The following ANKS1A variants were observed in gnomAD, a reference collection of about 807,000 sequenced individuals.
ANKS1A encodes the protein ankyrin repeat and SAM domain-containing protein 1A.
In ANKS1A, 55 loss-of-function variants were observed where a neutral mutation model predicts 120.3. That is an observed-to-expected ratio of 0.46 (90% CI 0.37 to 0.57). The LOEUF (loss-of-function observed/expected upper bound fraction) is 0.57. ANKS1A is among the 20% of genes least tolerant of loss of function. The probability of loss-of-function intolerance (pLI) is 0.00; values close to 1 mark genes in which losing one functional copy is unlikely to be tolerated. For synonymous variants in ANKS1A, 590 were observed against 604.7 expected, an observed-to-expected ratio of 0.98 and a Z score of 0.36; for missense variants, 1,123 against 1,480.3, an observed-to-expected ratio of 0.76 and a Z score of 3.96.
At chr6:34,952,710 C>CT (rs774626309) in intron 1 of ANKS1A, among the ~76,000 whole-genome samples, 172 of 142,184 alleles carry the variant, frequency 1.2e-3, no homozygotes, top group East Asian at 2.4e-3. Context: ...TATTTAAGTT[C>CT]TTTTTTTTTT....
At chr6:35,029,785 T>C (rs925285578) in intron 11 of ANKS1A, among the ~76,000 whole-genome samples, 1 of 148,434 alleles carries the variant, frequency 6.7e-6, no homozygotes, top group Non-Finnish European at 1.5e-5. Flanking sequence ...TATATACTTA[T>C]ATGTAATATA....
At chr6:35,023,922 A>G (rs1362456932) in intron 11 of ANKS1A, 2 of 153,516 alleles carry the variant, frequency 1.3e-5, no homozygotes, top group Admixed American at 6.5e-5. Flanking sequence ...TTTCTTTATA[A>G]TAAACTAAAT....
chr6:35,037,846 T>C (rs1775257684), intron 11 of ANKS1A, among the ~76,000 whole-genome samples: 1 of 152,034 alleles, frequency 6.6e-6, no homozygotes. Flanking sequence ...TTCCCTGGGG[T>C]CCTGGTTCTG....
intron 1 of ANKS1A, among the ~76,000 whole-genome samples, chr6:34,958,499 T>C (rs1770479215): frequency 6.6e-6 from 1 of 152,182 alleles, no homozygotes. Flanking sequence ...TTCTGAAATA[T>C]GTCAGGCCAT....
chr6:35,095,294 C>T (rs1025388983), downstream of ANKS1A, among the ~76,000 whole-genome samples: 14 of 151,914 alleles, frequency 9.2e-5, no homozygotes, highest in Non-Finnish European at 1.0e-4. Context: ...CATTTCTGGC[C>T]GGGCATGGTG....
chr6:34,899,507 CA>C (rs947369230), intron 1 of ANKS1A, among the ~76,000 whole-genome samples: 5 of 151,480 alleles, frequency 3.3e-5, no homozygotes, highest in East Asian at 3.9e-4. Context: ...AATTAAAAAA[CA>C]AAAAAAATAG....
At chr6:35,083,394 G>A (rs367842868) in intron 19 of ANKS1A, 23 bp from the exon 20 acceptor site, 710 of 1,612,530 alleles carry the variant, frequency 4.4e-4, no homozygotes, top group Non-Finnish European at 5.7e-4. Flanking sequence ...GGCACTGACA[G>A]GGCCACCCCT....
At chr6:34,988,189 C>T (rs1254126780) in intron 8 of ANKS1A, among the ~76,000 whole-genome samples, 2 of 152,238 alleles carry the variant, frequency 1.3e-5, no homozygotes, top group East Asian at 3.8e-4. Context: ...CATAGCCACA[C>T]TCATTTATTT....
intron 11 of ANKS1A, among the ~76,000 whole-genome samples, chr6:35,046,230 C>T (rs1488356760): frequency 6.6e-6 from 1 of 152,112 alleles, no homozygotes; most frequent in African/African-American, 2.4e-5. Flanking sequence ...TGGGGTTAGC[C>T]TGGGTTCCAG....
At chr6:35,059,164 A>G (rs1776354480) in intron 12 of ANKS1A, among the ~76,000 whole-genome samples, 1 of 152,238 alleles carries the variant, frequency 6.6e-6, no homozygotes, top group Non-Finnish European at 1.5e-5. Context: ...TGTTATCAGA[A>G]GAGGAAAATG....
At position 35,078,588 on chromosome 6, in the gene ANKS1A, C is replaced by T. The variant is rs202219773; in HGVS notation, c.2215C>T (p.Arg739Trp). ...TAATGTGATGGAAGAGCAGGACCTG[C>T]GGGACATCGGCATCAGCGACCCACA... ...GSNVMEEQDL[R>W]DIGISDPQHR... is the part of the protein sequence containing the mutation. The change falls in exon 14 of 24, where the codon CGG (arginine) becomes TGG (tryptophan). Residue 739 changes from arginine (R) to tryptophan (W), a missense_variant. Physicochemically the swap from Arg to Trp is moderately radical, Grantham distance 101. This residue lies in a region of ANKS1A where 904 missense variants were observed against 1,130.4 expected (regional missense o/e 0.80). Coordinates refer to ENST00000360359, the MANE Select transcript of ANKS1A (RefSeq NM_015245.3). 98 of 1,609,544 alleles carry T rather than the reference C, an allele frequency of 6.1e-5. No individual in the cohort carries two copies. The highest frequency in any genetic ancestry group is 8.3e-5 in the Non-Finnish European group (98 of 1,179,954).
intron 1 of ANKS1A, among the ~76,000 whole-genome samples, chr6:34,953,213 A>T (rs1476671127): frequency 6.6e-6 from 1 of 152,212 alleles, no homozygotes; most frequent in African/African-American, 2.4e-5. Context: ...CTTGTGGTCC[A>T]GTGAGAAAGG....
intron 1 of ANKS1A, among the ~76,000 whole-genome samples, chr6:34,951,878 A>G (rs1056609699): frequency 6.6e-6 from 1 of 152,108 alleles, no homozygotes; most frequent in East Asian, 1.9e-4. Flanking sequence ...CTAGAACATC[A>G]CGCCTCTCTT....
chr6:34,923,908 T>G (rs578046491), intron 1 of ANKS1A, among the ~76,000 whole-genome samples: 39 of 152,280 alleles, frequency 2.6e-4, no homozygotes, highest in African/African-American at 8.9e-4. Flanking sequence ...AGCAAACTGT[T>G]TGCAGAATGT....
At chr6:34,918,520 T>C (rs1218770445) in intron 1 of ANKS1A, among the ~76,000 whole-genome samples, 2 of 152,236 alleles carry the variant, frequency 1.3e-5, no homozygotes, top group Non-Finnish European at 1.5e-5. Context: ...ATCAAATGGC[T>C]GCCACCAAGC....
At chr6:34,936,035 C>T (rs1412875006) in intron 1 of ANKS1A, among the ~76,000 whole-genome samples, 2 of 130,298 alleles carry the variant, frequency 1.5e-5, no homozygotes, top group African/African-American at 6.0e-5. Context: ...GCACTCCAGC[C>T]TGGGCGACAG....
Position 34,914,362 on chromosome 6 carries a change from T to G in ANKS1A, c.197+24763T>G, listed in dbSNP as rs115549362. ...TAAAAAATCATTAAAAACATTAGAA[T>G]TTAAACAATATTAATTAAGGACTCA... On this transcript the variant is annotated intron_variant, in intron 1 of 23. Transcript: ENST00000360359. Among the ~76,000 whole-genome samples, 521 of 152,346 alleles carry G rather than the reference T, an allele frequency of 3.4e-3. 1 individual carries two copies. Among genetic ancestry groups the G allele is most frequent in the Middle Eastern group, 6.8e-3 (2 of 294 alleles).
At chr6:35,023,376 G>T (rs1213749899) in intron 11 of ANKS1A, 2 of 180,352 alleles carry the variant, frequency 1.1e-5, no homozygotes, top group Non-Finnish European at 2.3e-5. Flanking sequence ...GCTGTATGCT[G>T]GAGCAGTAAA....
At chr6:34,970,876 G>C (rs1185374903) in intron 3 of ANKS1A, among the ~76,000 whole-genome samples, 3 of 152,088 alleles carry the variant, frequency 2.0e-5, no homozygotes, top group Non-Finnish European at 4.4e-5. Context: ...GGATGTGGTG[G>C]CACACACCTG....
Sources: gnomAD v4.1 joint callset for allele counts (sites outside exome capture counted in the v4.1 genomes callset) on GRCh38, gnomAD v4.1.1 for gene constraint, gnomAD v4.1.1 regional missense constraint, MANE v1.5 for transcripts, NCBI Gene and HGNC (gene_info 2026-07-23, HGNC 2026-07-21) for gene names.